The following NAT1 variants were observed in gnomAD, a reference collection of about 807,000 sequenced individuals.
NAT1 encodes the protein arylamine N-acetyltransferase 1.
For missense variants in NAT1, 400 were observed against 339.2 expected, an observed-to-expected ratio of 1.18 and a Z score of -1.41; for synonymous variants, 144 against 122.6, an observed-to-expected ratio of 1.17 and a Z score of -1.16.
At chr8:18,181,298 T>C (rs1203440027) in intron 2 of NAT1, among the ~76,000 whole-genome samples, 1 of 151,936 alleles carries the variant, frequency 6.6e-6, no homozygotes, top group Non-Finnish European at 1.5e-5. Context: ...ATTTCTAAGA[T>C]TTTTTTGCAA....
chr8:18,195,267 T>C (rs1194054258), intron 2 of NAT1, among the ~76,000 whole-genome samples: 1 of 152,196 alleles, frequency 6.6e-6, no homozygotes. Flanking sequence ...TAGCTACTTC[T>C]GGTTAGTGAG....
chr8:18,173,146 GCACACACACA>G (rs3038965), intron 2 of NAT1, among the ~76,000 whole-genome samples: 23 of 146,536 alleles, frequency 1.6e-4, no homozygotes, highest in Non-Finnish European at 2.4e-4. Context: ...ACACAGAGAT[GCACACACACA>G]CACACACACA....
At chr8:18,188,092 G>C (rs890698216) in intron 2 of NAT1, among the ~76,000 whole-genome samples, 16 of 151,968 alleles carry the variant, frequency 1.1e-4, no homozygotes, top group African/African-American at 3.9e-4. Context: ...ACTAGATCTA[G>C]AAATTAATAT....
Position 18,222,770 on chromosome 8 carries a change from T to A in NAT1, c.723T>A (p.His241Gln), listed in dbSNP as rs375989454. The A allele has an allele frequency of 3.1e-6, 5 of 1,613,532 alleles. No individual in the cohort carries two copies. Among genetic ancestry groups the A allele is most frequent in the East Asian group, 2.2e-5 (1 of 44,890 alleles). Residue 241 changes from histidine to glutamine, a missense_variant, in exon 3 of 3, where the codon CAT becomes CAA. His to Gln is a conservative substitution (Grantham distance 24). Coordinates refer to ENST00000307719, the MANE Select transcript of NAT1 (RefSeq NM_000662.8). Reference protein sequence around the residue: ...VHCLVGFTLTHRRFNYKDNTD... With the variant: ...VHCLVGFTLTQRRFNYKDNTD... Reference sequence around the variant, plus strand: ...GTTTGGTGGGCTTCACCCTCACCCATAGGAGATTCAATTATAAGGACAATA... The same window carrying A: ...GTTTGGTGGGCTTCACCCTCACCCAAAGGAGATTCAATTATAAGGACAATA...
chr8:18,216,163 G>A (rs949662794), intron 1 of NAT1, among the ~76,000 whole-genome samples: 2 of 152,184 alleles, frequency 1.3e-5, no homozygotes, highest in African/African-American at 4.8e-5. Context: ...TACTCTTTTA[G>A]CTGTGGTTTC....
At chr8:18,215,434 T>A (rs986176203) in intron 1 of NAT1, among the ~76,000 whole-genome samples, 5 of 152,262 alleles carry the variant, frequency 3.3e-5, no homozygotes, top group African/African-American at 1.2e-4. Context: ...TACGATATTG[T>A]ATCTATATGG....
chr8:18,185,603 A>T (rs931031080), intron 2 of NAT1, among the ~76,000 whole-genome samples: 1 of 152,126 alleles, frequency 6.6e-6, no homozygotes, highest in Non-Finnish European at 1.5e-5. Flanking sequence ...TAAAAACAAA[A>T]CAAATCTTAA....
chr8:18,204,034 G>A (rs1049274254), intron 2 of NAT1, among the ~76,000 whole-genome samples: 1 of 152,184 alleles, frequency 6.6e-6, no homozygotes, highest in Non-Finnish European at 1.5e-5. Context: ...CCAGCCTTCC[G>A]CACGCACTAT....
chr8:18,212,450 C>T (rs935239928), intron 1 of NAT1: 8 of 152,274 alleles, frequency 5.3e-5, no homozygotes, highest in African/African-American at 1.7e-4. Flanking sequence ...GACACCAAGA[C>T]AAGAATCCAT....
At chr8:18,208,991 A>G (rs758948097), upstream of NAT1, among the ~76,000 whole-genome samples, 2 of 152,254 alleles carry the variant, frequency 1.3e-5, no homozygotes, top group African/African-American at 2.4e-5. Flanking sequence ...CAGTGAGACC[A>G]GGGCAGTTTG....
intron 2 of NAT1, among the ~76,000 whole-genome samples, chr8:18,177,590 C>T (rs1802338735): frequency 6.6e-6 from 1 of 152,142 alleles, no homozygotes; most frequent in African/African-American, 2.4e-5. Flanking sequence ...AGTGTTTTTA[C>T]CTCATTTTAG....
intron 2 of NAT1, among the ~76,000 whole-genome samples, chr8:18,198,830 A>C (rs567653762): frequency 6.6e-6 from 1 of 152,348 alleles, no homozygotes; most frequent in South Asian, 2.1e-4. Flanking sequence ...TTGGTGATGG[A>C]AGCTCAGCTT....
At chr8:18,171,553 G>A (rs1320251610) in intron 2 of NAT1, among the ~76,000 whole-genome samples, 1 of 152,070 alleles carries the variant, frequency 6.6e-6, no homozygotes, top group Non-Finnish European at 1.5e-5. Flanking sequence ...CTTTTTGCCA[G>A]AAAGAGCTAG....
chr8:18,188,587 G>C (rs1351814205), intron 2 of NAT1, among the ~76,000 whole-genome samples: 1 of 151,956 alleles, frequency 6.6e-6, no homozygotes, highest in East Asian at 1.9e-4. Context: ...CTTTATTTTT[G>C]TGTATGTTTG....
At chr8:18,216,412 G>T (rs1013796456) in intron 1 of NAT1, among the ~76,000 whole-genome samples, 1 of 152,094 alleles carries the variant, frequency 6.6e-6, no homozygotes, top group East Asian at 1.9e-4. Flanking sequence ...CTTGTCTTTT[G>T]CCACTTGACA....
intron 2 of NAT1, among the ~76,000 whole-genome samples, chr8:18,194,151 G>A (rs1384332136): frequency 1.3e-5 from 2 of 152,150 alleles, no homozygotes; most frequent in African/African-American, 2.4e-5. Flanking sequence ...TGTGTTCACT[G>A]GAGGTGGGGG....
At chr8:18,194,080 T>C (rs749703985) in intron 2 of NAT1, among the ~76,000 whole-genome samples, 14 of 152,190 alleles carry the variant, frequency 9.2e-5, no homozygotes, top group South Asian at 2.1e-4. Context: ...TGGAGCCAGA[T>C]CCTTACTGGG....
intron 2 of NAT1, among the ~76,000 whole-genome samples, chr8:18,201,481 C>G (rs1462365040): frequency 6.6e-6 from 1 of 152,144 alleles, no homozygotes; most frequent in Non-Finnish European, 1.5e-5. Flanking sequence ...CATTTAACTT[C>G]CTAATCTCTG....
Position 18,222,902 on chromosome 8 carries a change from T to C in NAT1, c.855T>C (p.Asp285=). ...LQRKLVPKHG[D]RFFTI ...GAAAGCTTGTGCCCAAACATGGTGA[T>C]AGATTTTTTACTATTTAGAATAAGG... The change falls in exon 3 of 3, where the codon GAT becomes GAC. Residue 285 remains aspartate (D), a synonymous_variant. Transcript: ENST00000307719. 1 of 1,557,186 alleles carries C rather than the reference T, an allele frequency of 6.4e-7. No individual in the cohort carries two copies. The highest frequency in any genetic ancestry group is 1.3e-5 in the South Asian group (1 of 78,142).
Sources: gnomAD v4.1 joint callset for allele counts (sites outside exome capture counted in the v4.1 genomes callset) on GRCh38, gnomAD v4.1.1 for gene constraint, MANE v1.5 for transcripts, NCBI Gene and HGNC (gene_info 2026-07-23, HGNC 2026-07-21) for gene names.